The following CALCOCO1 variants were observed in gnomAD, a reference collection of about 807,000 sequenced individuals.
CALCOCO1 encodes calcium binding and coiled-coil domain 1, also known as calcium-binding and coiled-coil domain-containing protein 1.
CALCOCO1 carries 44 observed loss-of-function variants against 86.3 expected under a neutral mutation model. The observed-to-expected ratio is 0.51, with a 90% confidence interval of 0.40 to 0.66. The LOEUF (loss-of-function observed/expected upper bound fraction) is 0.66. CALCOCO1 is among the 30% of genes least tolerant of loss of function. The pLI is 0.00. For synonymous variants in CALCOCO1, 297 were observed against 327.6 expected (o/e 0.91, Z 1.01); for missense variants, 708 against 851.1 (o/e 0.83, Z 2.09).
chr12:53,723,484 G>C, intron 4 of CALCOCO1, 109 bp downstream of exon 4: 1 of 1,120,676 alleles, frequency 8.9e-7, no homozygotes, highest in South Asian at 1.3e-5. Flanking sequence ...CTTTCAACGA[G>C]GTCTTTAGTT....
chr12:53,719,041 T>TTTCA (rs1204688877), intron 7 of CALCOCO1, among the ~76,000 whole-genome samples: 1 of 149,672 alleles, frequency 6.7e-6, no homozygotes, highest in Non-Finnish European at 1.5e-5. Context: ...AGAGATGGGG[T>TTTCA]TTCACCATGT....
intron 8 of CALCOCO1, 73 bp downstream of exon 8, chr12:53,716,187 T>C: frequency 1.3e-6 from 2 of 1,595,466 alleles, no homozygotes; most frequent in Non-Finnish European, 8.6e-7. Flanking sequence ...TCCCCTTCTC[T>C]TTAGACACGC....
Position 53,708,583 on chromosome 12 carries a change from C to T in CALCOCO1, c.*3361G>A, listed in dbSNP as rs1225857346. On this transcript the variant is annotated 3_prime_UTR_variant, in exon 15 of 15. Coordinates refer to ENST00000550804, the MANE Select transcript of CALCOCO1 (RefSeq NM_020898.3). ...GCTCAATGATGTTCACTTTATTATT[C>T]ATTACATATATTATTTTGTATGTAT... 1.3e-5 allele frequency: 2 copies of T among 151,986 alleles called. No homozygotes were observed. Among genetic ancestry groups the T allele is most frequent in the Non-Finnish European group, 2.9e-5 (2 of 68,012 alleles). The allele number at this position is 151,986 out of a possible 1,614,324, so 9.4% of individuals were successfully genotyped here.
At chr12:53,719,619 C>T (rs1466266672) in intron 7 of CALCOCO1, 120 bp downstream of exon 7, 3 of 700,410 alleles carry the variant, frequency 4.3e-6, no homozygotes, top group South Asian at 1.7e-5. Flanking sequence ...TCTTATGTTC[C>T]CTAGTAGAGT....
chr12:53,725,719 T>G (rs1946011092), intron 1 of CALCOCO1: 1 of 152,538 alleles, frequency 6.6e-6, no homozygotes, highest in South Asian at 2.1e-4. Context: ...CCCAGCTGTA[T>G]CCAGGAATGA....
At chr12:53,714,000 G>T in intron 12 of CALCOCO1, 100 bp from the exon 13 acceptor site, 1 of 1,322,778 alleles carries the variant, frequency 7.6e-7, no homozygotes, top group Non-Finnish European at 1.1e-6. Flanking sequence ...ACTAAACAGG[G>T]GCCAGGGTCT....
chr12:53,715,178 C>G, intron 10 of CALCOCO1, 22 bp downstream of exon 10: 1 of 1,613,266 alleles, frequency 6.2e-7, no homozygotes. Context: ...AGGACAGGAC[C>G]CTTGGTGGCT....
chr12:53,712,175 G>T, intron 14 of CALCOCO1, 54 bp from the exon 15 acceptor site: 2 of 1,480,282 alleles, frequency 1.4e-6, no homozygotes, highest in South Asian at 1.3e-5. Context: ...TTCCCTTCTT[G>T]ACTTGCAGAC....
chr12:53,723,427 A>G (rs749042275), intron 4 of CALCOCO1, 166 bp downstream of exon 4: 41 of 668,016 alleles, frequency 6.1e-5, no homozygotes, highest in Middle Eastern at 2.5e-4. Context: ...ATGTTCGTGT[A>G]TGTCTATGTT....
chr12:53,721,580 C>A lies in CALCOCO1; in HGVS notation c.645G>T (p.Glu215Asp). The change falls in exon 6 of 15, where the codon GAG becomes GAT. Residue 215 changes from glutamate (E) to aspartate (D), a missense_variant. Physicochemically the swap from Glu to Asp is conservative, Grantham distance 45. Coordinates refer to ENST00000550804, the MANE Select transcript of CALCOCO1 (RefSeq NM_020898.3). ...CCTGTTGCCGGCTCAGGATGTCCCT[C>A]TCTTCTGTGATCTCCCCATGGGACC... ...ISRSHGEITE[E>D]RDILSRQQGD... is the part of the protein sequence containing the mutation. The A allele has an allele frequency of 6.2e-7, 1 of 1,613,686 alleles. No homozygotes were observed. The highest frequency in any genetic ancestry group is 8.5e-7 in the Non-Finnish European group (1 of 1,179,900).
At chr12:53,723,433 A>G (rs1389705929) in intron 4 of CALCOCO1, 160 bp downstream of exon 4, 16 of 701,336 alleles carry the variant, frequency 2.3e-5, no homozygotes, top group South Asian at 5.2e-5. Context: ...GTGTATGTCT[A>G]TGTTAGACTG....
At chr12:53,727,173 GAGA>G (rs908788437) in intron 1 of CALCOCO1, among the ~76,000 whole-genome samples, 24 of 152,114 alleles carry the variant, frequency 1.6e-4, no homozygotes, top group African/African-American at 5.1e-4. Flanking sequence ...GAGACGCATT[GAGA>G]AGAAGGAGAG....
At chr12:53,715,062 C>T (rs1334290945) in intron 10 of CALCOCO1, 138 bp downstream of exon 10, 1 of 1,044,448 alleles carries the variant, frequency 9.6e-7, no homozygotes, top group Non-Finnish European at 1.4e-6. Context: ...CCAATGAGGG[C>T]TTGCGTGTGC....
intron 8 of CALCOCO1, 55 bp from the exon 9 acceptor site, chr12:53,716,102 C>A (rs1945718175): frequency 1.2e-6 from 2 of 1,602,958 alleles, no homozygotes; most frequent in Admixed American, 3.4e-5. Context: ...ATTCATCAGC[C>A]AGGGAGGTAA....
intron 13 of CALCOCO1, 148 bp from the exon 14 acceptor site, chr12:53,713,354 G>A: frequency 4.5e-6 from 3 of 667,816 alleles, no homozygotes; most frequent in Non-Finnish European, 8.0e-6. Flanking sequence ...GCGTTTTGAG[G>A]GGCTGGTGAA....
At chr12:53,720,092 T>C (rs894195252) in intron 6 of CALCOCO1, among the ~76,000 whole-genome samples, 5 of 152,240 alleles carry the variant, frequency 3.3e-5, no homozygotes, top group Admixed American at 3.3e-4. Flanking sequence ...ATGGCTCCCA[T>C]TGTTTTCACT....
intron 11 of CALCOCO1, 66 bp from the exon 12 acceptor site, chr12:53,714,307 G>A: frequency 8.2e-7 from 1 of 1,226,326 alleles, no homozygotes; most frequent in Non-Finnish European, 1.2e-6. Context: ...CTAGCCTGCA[G>A]AAGCTGCACC....
chr12:53,726,080 CCAGGAAAGCCCCA>C (rs1946023183), intron 1 of CALCOCO1: 1 of 152,060 alleles, frequency 6.6e-6, no homozygotes, highest in Non-Finnish European at 1.5e-5. Flanking sequence ...GGGCCTGGAG[CCAGGAAAGCCCCA>C]CCCCAGGGCA....
chr12:53,715,949 A>G lies in CALCOCO1; in HGVS notation c.1104T>C (p.Ser368=), dbSNP rs3741658. 480,597 of 1,613,708 alleles carry G rather than the reference A, an allele frequency of 0.3. 76,345 individuals are homozygous for G. The highest frequency in any genetic ancestry group is 0.58 in the East Asian group (25,823 of 44,852). The part of the protein sequence containing the change: ...KATLLGEELA[S]AAAARDRTIA... ...TGGTGCGGTCCCTGGCTGCTGCTGC[A>G]CTGGCCAACTCCTCCCCAAGAAGGG... The change falls in exon 9 of 15, where the codon AGT becomes AGC. Residue 368 remains serine, a synonymous_variant. Coordinates refer to ENST00000550804, the MANE Select transcript of CALCOCO1 (RefSeq NM_020898.3).
Sources: gnomAD v4.1 joint callset for allele counts (sites outside exome capture counted in the v4.1 genomes callset) on GRCh38, gnomAD v4.1.1 for gene constraint, MANE v1.5 for transcripts, NCBI Gene and HGNC (gene_info 2026-07-23, HGNC 2026-07-21) for gene names.